The following ROBO1 variants were observed in gnomAD, a reference collection of about 807,000 sequenced individuals.
ROBO1 encodes the protein roundabout guidance receptor 1, also known as roundabout homolog 1.
A neutral mutation model predicts 195.9 loss-of-function variants in ROBO1; 149 were observed. The observed-to-expected ratio is 0.76, with a 90% CI of 0.67 to 0.87. The LOEUF is 0.87. Ranked by LOEUF, ROBO1 falls within the 40% of genes least tolerant of loss-of-function variation. The probability of loss-of-function intolerance (pLI) is 0.00; values close to 1 mark genes in which losing one functional copy is unlikely to be tolerated. For missense variants in ROBO1, 1,933 were observed against 2,068.3 expected (o/e 0.93, Z 1.27); for synonymous variants, 816 against 733.2 (o/e 1.11, Z -1.82).
intron 4 of ROBO1, among the ~76,000 whole-genome samples, chr3:78,884,910 T>C (rs1217316692): frequency 2.1e-5 from 3 of 143,322 alleles, no homozygotes; most frequent in Middle Eastern, 3.3e-3. Flanking sequence ...CTTCTGTATG[T>C]TCTCATCATG....
At chr3:78,798,999 C>T (rs1576186479) in intron 4 of ROBO1, among the ~76,000 whole-genome samples, 1 of 151,966 alleles carries the variant, frequency 6.6e-6, no homozygotes, top group African/African-American at 2.4e-5. Flanking sequence ...ATATTTGGGG[C>T]CATGAGAAGA....
intron 3 of ROBO1, among the ~76,000 whole-genome samples, chr3:78,957,716 G>A (rs939064447): frequency 6.6e-6 from 1 of 152,146 alleles, no homozygotes; most frequent in Non-Finnish European, 1.5e-5. Flanking sequence ...CCGATTAACA[G>A]GTATCAATTG....
chr3:79,181,099 T>G (rs936148614), intron 2 of ROBO1, among the ~76,000 whole-genome samples: 1 of 152,176 alleles, frequency 6.6e-6, no homozygotes, highest in Non-Finnish European at 1.5e-5. Flanking sequence ...CTCATAGTCT[T>G]CTCCTATCCC....
chr3:79,732,241 C>T (rs891333870), intron 1 of ROBO1, among the ~76,000 whole-genome samples: 4 of 149,978 alleles, frequency 2.7e-5, no homozygotes, highest in Non-Finnish European at 4.4e-5. Context: ...TATATGAAGT[C>T]AAGTGTTGAT....
chr3:79,390,542 C>T (rs1015206235), intron 2 of ROBO1, among the ~76,000 whole-genome samples: 8 of 152,054 alleles, frequency 5.3e-5, no homozygotes, highest in South Asian at 2.1e-4. Context: ...TGTGGTGTGA[C>T]GTCATGGAAG....
chr3:79,462,365 G>A (rs1394659894), intron 2 of ROBO1, among the ~76,000 whole-genome samples: 1 of 152,146 alleles, frequency 6.6e-6, no homozygotes, highest in Non-Finnish European at 1.5e-5. Context: ...AAATGGAAAC[G>A]ACACACTTTC....
chr3:79,058,856 A>T (rs1308712736), intron 3 of ROBO1, among the ~76,000 whole-genome samples: 1 of 152,056 alleles, frequency 6.6e-6, no homozygotes, highest in African/African-American at 2.4e-5. Context: ...GATCTAAGAG[A>T]TTTGTTTTCA....
intron 1 of ROBO1, among the ~76,000 whole-genome samples, chr3:79,686,915 T>A (rs998973971): frequency 1.6e-4 from 25 of 152,110 alleles, no homozygotes; most frequent in Admixed American, 1.6e-3. Flanking sequence ...GCCAAGTCAA[T>A]CCTGAACCAA....
At chr3:79,058,128 T>C (rs1033321776) in intron 3 of ROBO1, among the ~76,000 whole-genome samples, 9 of 151,968 alleles carry the variant, frequency 5.9e-5, no homozygotes, top group Admixed American at 3.9e-4. Flanking sequence ...GGGAAAACCA[T>C]GCCCTAAAAA....
chr3:79,523,091 A>G lies in ROBO1; in HGVS notation c.88+66733T>C, dbSNP rs184157236. Among the ~76,000 whole-genome samples the G allele has an allele frequency of 1.4e-3, 218 of 152,150 alleles. 1 individual carries two copies. The highest frequency in any genetic ancestry group is 5.0e-3 in the African/African-American group (209 of 41,522). On this transcript the variant is annotated intron_variant, in intron 2 of 30. Transcript: ENST00000464233. ...AGCTGATCTAGTTGTTTTAAAAACA[A>G]ATTATCTGATCAGTATTGATGGGCT...
intron 2 of ROBO1, among the ~76,000 whole-genome samples, chr3:79,389,350 T>A (rs578104340): frequency 6.6e-6 from 1 of 152,260 alleles, no homozygotes; most frequent in African/African-American, 2.4e-5. Flanking sequence ...ATATTAAACT[T>A]CACTTGGTAG....
chr3:79,600,174 C>T (rs748984917), intron 1 of ROBO1, among the ~76,000 whole-genome samples: 1 of 151,930 alleles, frequency 6.6e-6, no homozygotes, highest in Non-Finnish European at 1.5e-5. Context: ...TCTGGTCATC[C>T]TAGCTAAAGT....
chr3:79,575,296 CAAAT>C (rs1447815577), intron 2 of ROBO1, among the ~76,000 whole-genome samples: 50 of 102,384 alleles, frequency 4.9e-4, no homozygotes, highest in Middle Eastern at 7.5e-3. Context: ...ATATATATAA[CAAAT>C]ATATATAAAT....
chr3:79,012,367 A>G (rs1455663137), intron 3 of ROBO1, among the ~76,000 whole-genome samples: 1 of 152,218 alleles, frequency 6.6e-6, no homozygotes, highest in East Asian at 1.9e-4. Flanking sequence ...GCTTCATTTA[A>G]GTGTCAAACT....
intron 4 of ROBO1, among the ~76,000 whole-genome samples, chr3:78,850,103 TC>T (rs2033957481): frequency 6.6e-6 from 1 of 152,148 alleles, no homozygotes; most frequent in African/African-American, 2.4e-5. Context: ...CTTGATGTGT[TC>T]CAGGCTATAT....
chr3:79,115,963 A>C (rs73848837), intron 3 of ROBO1, among the ~76,000 whole-genome samples: 1 of 152,186 alleles, frequency 6.6e-6, no homozygotes, highest in African/African-American at 2.4e-5. Context: ...TGACCAGCCA[A>C]AATATTCAGT....
intron 3 of ROBO1, among the ~76,000 whole-genome samples, chr3:79,072,001 C>A (rs1229064171): frequency 1.3e-5 from 2 of 151,830 alleles, no homozygotes; most frequent in African/African-American, 4.8e-5. Flanking sequence ...CCTAAAATCT[C>A]TTAAGGGTTT....
chr3:78,798,305 CTGCA>C (rs1227283455), intron 4 of ROBO1, among the ~76,000 whole-genome samples: 1 of 152,156 alleles, frequency 6.6e-6, no homozygotes, highest in African/African-American at 2.4e-5. Context: ...TTAATAAGCC[CTGCA>C]TATAATATTT....
At chr3:78,833,597 A>G (rs1350790578) in intron 4 of ROBO1, among the ~76,000 whole-genome samples, 1 of 152,092 alleles carries the variant, frequency 6.6e-6, no homozygotes, top group Non-Finnish European at 1.5e-5. Flanking sequence ...GAAGGGGGAC[A>G]GGGAAAAAGA....
Sources: allele counts gnomAD v4.1 joint callset (sites outside exome capture counted in the v4.1 genomes callset), GRCh38; gene constraint gnomAD v4.1.1; transcripts MANE v1.5; gene names NCBI Gene and HGNC (gene_info 2026-07-23, HGNC 2026-07-21).